KHDRBS2: variants seen among roughly 807,000 people sequenced by gnomAD.
KHDRBS2 encodes the protein KH domain-containing, RNA-binding, signal transduction-associated protein 2.
In KHDRBS2, 26 loss-of-function variants were observed where a neutral mutation model predicts 44.3. That is an observed-to-expected ratio of 0.59 (90% CI 0.43 to 0.81). The LOEUF (loss-of-function observed/expected upper bound fraction) is 0.81, where lower values mean the gene tolerates loss of function less well. KHDRBS2 is among the 40% of genes least tolerant of loss of function. KHDRBS2 has a pLI of 0.00. For missense variants in KHDRBS2, 476 were observed against 433.1 expected, an observed-to-expected ratio of 1.10 and a Z score of -0.88; for synonymous variants, 194 against 151.1, an observed-to-expected ratio of 1.28 and a Z score of -2.08.
intron 6 of KHDRBS2, among the ~76,000 whole-genome samples, chr6:61,878,678 A>G (rs1433354234): frequency 6.6e-6 from 1 of 152,018 alleles, no homozygotes; most frequent in Non-Finnish European, 1.5e-5. Context: ...ACTTGAGTCT[A>G]TATGTATACA....
At chr6:61,787,062 T>C (rs1783929699) in intron 6 of KHDRBS2, among the ~76,000 whole-genome samples, 1 of 149,146 alleles carries the variant, frequency 6.7e-6, no homozygotes, top group East Asian at 1.9e-4. Context: ...TATAAATATG[T>C]ATATTAAGCA....
At chr6:61,706,959 C>G (rs6930241) in intron 7 of KHDRBS2, among the ~76,000 whole-genome samples, 2 of 151,026 alleles carry the variant, frequency 1.3e-5, no homozygotes, top group Non-Finnish European at 3.0e-5. Context: ...AAAACAAAAA[C>G]AAAACAGTTA....
chr6:61,781,251 C>T (rs1399600918), intron 6 of KHDRBS2, among the ~76,000 whole-genome samples: 1 of 152,080 alleles, frequency 6.6e-6, no homozygotes, highest in East Asian at 1.9e-4. Flanking sequence ...ATCCCAGTAA[C>T]TCTCAACTCC....
At chr6:62,112,143 G>A (rs1247865237) in intron 2 of KHDRBS2, among the ~76,000 whole-genome samples, 1 of 152,048 alleles carries the variant, frequency 6.6e-6, no homozygotes, top group Non-Finnish European at 1.5e-5. Flanking sequence ...TACCTAGGAA[G>A]CACCTATAAT....
At chr6:62,106,348 C>T (rs556012683) in intron 2 of KHDRBS2, among the ~76,000 whole-genome samples, 26 of 152,226 alleles carry the variant, frequency 1.7e-4, no homozygotes, top group African/African-American at 6.0e-4. Flanking sequence ...AACTTTCTGT[C>T]TCGCTGATCG....
At chr6:62,018,733 C>T (rs186265212) in intron 3 of KHDRBS2, among the ~76,000 whole-genome samples, 2 of 152,118 alleles carry the variant, frequency 1.3e-5, no homozygotes, top group African/African-American at 4.8e-5. Flanking sequence ...AGAGAAAAAT[C>T]CGTTATTAAT....
At chr6:62,111,058 G>T (rs1415890908) in intron 2 of KHDRBS2, among the ~76,000 whole-genome samples, 1 of 151,984 alleles carries the variant, frequency 6.6e-6, no homozygotes, top group Non-Finnish European at 1.5e-5. Context: ...TAGGGAAACT[G>T]CTTATAACTT....
intron 3 of KHDRBS2, among the ~76,000 whole-genome samples, chr6:62,040,642 G>C (rs1368696295): frequency 2.0e-5 from 3 of 152,054 alleles, no homozygotes; most frequent in Non-Finnish European, 4.4e-5. Flanking sequence ...ACTAAAGTAG[G>C]ACTGCCCACT....
At chr6:61,584,546 G>A in the KHDRBS2 span, among the ~76,000 whole-genome samples, 32 of 151,742 alleles carry the variant, frequency 2.1e-4, no homozygotes, top group African/African-American at 7.2e-4. Flanking sequence ...ACCCCATTTA[G>A]TAAAACGTTT....
At chr6:62,018,592 G>T (rs1426901961) in intron 3 of KHDRBS2, among the ~76,000 whole-genome samples, 1 of 152,136 alleles carries the variant, frequency 6.6e-6, no homozygotes, top group East Asian at 1.9e-4. Flanking sequence ...TGATCCGCGC[G>T]CCTTGGCCTC....
At chr6:61,625,555 C>T in the KHDRBS2 span, among the ~76,000 whole-genome samples, 1 of 151,948 alleles carries the variant, frequency 6.6e-6, no homozygotes, top group African/African-American at 2.4e-5. Context: ...CTGAGGACAG[C>T]AGAGCGACTA....
chr6:61,750,025 G>A (rs995618551), intron 6 of KHDRBS2, among the ~76,000 whole-genome samples: 23 of 152,054 alleles, frequency 1.5e-4, no homozygotes, highest in African/African-American at 5.6e-4. Context: ...AAATAATAAT[G>A]AGGAGTTATT....
chr6:62,141,095 T>G (rs1042181385), intron 2 of KHDRBS2, among the ~76,000 whole-genome samples: 15 of 152,180 alleles, frequency 9.9e-5, no homozygotes, highest in Non-Finnish European at 1.9e-4. Flanking sequence ...ATGCTAAACA[T>G]TTTCAAAATA....
intron 6 of KHDRBS2, among the ~76,000 whole-genome samples, chr6:61,828,928 C>T (rs1791353075): frequency 6.6e-6 from 1 of 152,198 alleles, no homozygotes. Context: ...GAAAGCATTT[C>T]TCTTCATTAG....
intron 2 of KHDRBS2, among the ~76,000 whole-genome samples, chr6:62,091,838 T>C (rs901385795): frequency 1.3e-5 from 2 of 152,172 alleles, no homozygotes; most frequent in African/African-American, 4.8e-5. Context: ...CGGTTGATAG[T>C]AACACTATGG....
the KHDRBS2 span, among the ~76,000 whole-genome samples, chr6:61,612,726 G>T: frequency 1.3e-5 from 2 of 151,566 alleles, no homozygotes. Context: ...TTAGAAACTT[G>T]CCCAAGTCAT....
intron 4 of KHDRBS2, among the ~76,000 whole-genome samples, chr6:61,972,874 G>A (rs1771727195): frequency 6.6e-6 from 1 of 152,130 alleles, no homozygotes; most frequent in South Asian, 2.1e-4. Flanking sequence ...AGCCAGGTGT[G>A]GCGGCTGATG....
intron 6 of KHDRBS2, among the ~76,000 whole-genome samples, chr6:61,760,061 T>C (rs902932392): frequency 8.5e-5 from 13 of 152,250 alleles, no homozygotes; most frequent in Admixed American, 2.6e-4. Flanking sequence ...TTAAATACTT[T>C]TTCCTTAATG....
intron 6 of KHDRBS2, among the ~76,000 whole-genome samples, chr6:61,889,274 T>C (rs184904933): frequency 1.6e-4 from 25 of 152,288 alleles, no homozygotes; most frequent in African/African-American, 6.0e-4. Context: ...AAAGTGTTTG[T>C]AAAATTACAC....
Sources: allele counts gnomAD v4.1 joint callset (sites outside exome capture counted in the v4.1 genomes callset), GRCh38; gene constraint gnomAD v4.1.1; transcripts MANE v1.5; gene names NCBI Gene and HGNC (gene_info 2026-07-23, HGNC 2026-07-21).